RNF6: variants seen among roughly 807,000 people sequenced by gnomAD.
The protein encoded by RNF6 is ring finger protein 6.
In RNF6, 21 loss-of-function variants were observed where a neutral mutation model predicts 50.1. That is an observed-to-expected ratio of 0.42 (90% CI 0.30 to 0.60). The LOEUF (loss-of-function observed/expected upper bound fraction) is 0.60, where lower values mean the gene tolerates loss of function less well. Ranked by LOEUF, RNF6 falls within the 20% of genes least tolerant of loss-of-function variation. RNF6 has a pLI of 0.20. For synonymous variants in RNF6, 255 were observed against 291.8 expected (o/e 0.87, Z 1.29); for missense variants, 698 against 838.2 (o/e 0.83, Z 2.07).
At chr13:26,182,096 G>T (rs934905181) in intron 5 of RNF6, among the ~76,000 whole-genome samples, 1 of 152,100 alleles carries the variant, frequency 6.6e-6, no homozygotes, top group African/African-American at 2.4e-5. Context: ...TTGAAAACAC[G>T]TATCTCCAGA....
rs1872652561 is a variant in RNF6 at position 26,170,521 on chromosome 13, A to G, written n.769-38070T>C. Among the ~76,000 whole-genome samples the G allele has an allele frequency of 3.9e-5, 6 of 152,312 alleles. No homozygotes were observed. The South Asian group carries it at 1.2e-3, about 32-fold the overall frequency. Reference sequence around the variant, plus strand: ...GAAGATGGAGGAACAAAAGATGGGTAACAGTTAGCTAAGCAGCTGCTGCTG... The same window carrying G: ...GAAGATGGAGGAACAAAAGATGGGTGACAGTTAGCTAAGCAGCTGCTGCTG... On this transcript the variant is annotated intron_variant and non_coding_transcript_variant, in intron 5 of 5. Coordinates refer to the RNF6 transcript ENST00000468480.
intron 5 of RNF6, among the ~76,000 whole-genome samples, chr13:26,196,215 C>T (rs1213008147): frequency 6.6e-6 from 1 of 152,086 alleles, no homozygotes; most frequent in Non-Finnish European, 1.5e-5. Flanking sequence ...TTATCACAAA[C>T]ATACACTGCT....
chr13:26,215,102 G>C lies in RNF6; in HGVS notation c.780C>G (p.Asn260Lys). 3.1e-6 allele frequency: 5 copies of C among 1,614,204 alleles called. No homozygotes were observed. The highest frequency in any genetic ancestry group is 4.2e-6 in the Non-Finnish European group (5 of 1,180,046). Residue 260 changes from asparagine (N) to lysine (K), a missense_variant, in exon 5 of 5, where the codon AAC becomes AAG. Asn to Lys is a moderately conservative substitution (Grantham distance 94). Transcript: ENST00000381588. ...GCCTGAGTTCACTACCACCTGATTG[G>C]TTTGTGTGACTACTGAAATTAGTGC... ...ASRTNFSSHT[N>K]QSGGSELRQR...
chr13:26,157,618 A>G (rs1160445339), intron 5 of RNF6, among the ~76,000 whole-genome samples: 9 of 152,234 alleles, frequency 5.9e-5, no homozygotes, highest in Admixed American at 5.9e-4. Context: ...CAAACAAGTC[A>G]TCCTCAGTAA....
At chr13:26,175,623 G>A (rs1358725206) in intron 5 of RNF6, among the ~76,000 whole-genome samples, 2 of 152,132 alleles carry the variant, frequency 1.3e-5, no homozygotes, top group Non-Finnish European at 2.9e-5. Context: ...CAGAGGCACC[G>A]TGGTGCAGGC....
intron 5 of RNF6, among the ~76,000 whole-genome samples, chr13:26,193,698 A>G (rs2137690004): frequency 6.6e-6 from 1 of 152,084 alleles, no homozygotes; most frequent in East Asian, 1.9e-4. Flanking sequence ...ATACCCTTGC[A>G]TACTGAAGGA....
chr13:26,168,275 T>C (rs568884277), intron 5 of RNF6, among the ~76,000 whole-genome samples: 14 of 152,176 alleles, frequency 9.2e-5, no homozygotes, highest in Non-Finnish European at 1.8e-4. Flanking sequence ...TCTATCTCAG[T>C]GGACTGCTTG....
At chr13:26,206,370 T>C (rs1246326688) in intron 5 of RNF6, among the ~76,000 whole-genome samples, 1 of 152,196 alleles carries the variant, frequency 6.6e-6, no homozygotes. Flanking sequence ...GCAGACAGTG[T>C]CTGCAGCAGG....
rs1870594522 is a variant in RNF6 at position 26,222,245 on chromosome 13, C to T, written c.-344G>A. 1 of 152,346 alleles carries T rather than the reference C, an allele frequency of 6.6e-6. No individual in the cohort carries two copies. Among genetic ancestry groups the T allele is most frequent in the Non-Finnish European group, 1.5e-5 (1 of 68,130 alleles). The allele number at this position is 152,346 out of a possible 1,614,324, so 9.4% of individuals were successfully genotyped here. The stretch of plus-strand genomic sequence containing the variant: ...ACGGCAGGCCCCAGCCCTTCTTTCC[C>T]GACAGCCACGCCGCCCACTTGGCGG... On this transcript the variant is annotated 5_prime_UTR_variant, in exon 1 of 5. Coordinates refer to ENST00000381588, the MANE Select transcript of RNF6 (RefSeq NM_005977.4).
At chr13:26,185,893 C>A (rs1324944076) in intron 5 of RNF6, among the ~76,000 whole-genome samples, 2 of 152,198 alleles carry the variant, frequency 1.3e-5, no homozygotes, top group Non-Finnish European at 2.9e-5. Context: ...TCCTCCCTCA[C>A]ATTCAATATC....
chr13:26,218,675 G>C (rs1310268129), intron 3 of RNF6, 69 bp from the exon 4 acceptor site: 27 of 1,187,458 alleles, frequency 2.3e-5, no homozygotes, highest in Non-Finnish European at 3.0e-5. Context: ...TGAAGGGTAA[G>C]ACTAATCTTT....
At chr13:26,186,472 G>T (rs565645067) in intron 5 of RNF6, among the ~76,000 whole-genome samples, 1 of 152,224 alleles carries the variant, frequency 6.6e-6, no homozygotes, top group Non-Finnish European at 1.5e-5. Flanking sequence ...GCAGCCAGTC[G>T]CGCTACCGAC....
At chr13:26,186,056 A>G (rs1454344658) in intron 5 of RNF6, among the ~76,000 whole-genome samples, 2 of 152,328 alleles carry the variant, frequency 1.3e-5, no homozygotes, top group East Asian at 3.9e-4. Context: ...TGTATGTTTT[A>G]ACCCTAAAAT....
intron 5 of RNF6, among the ~76,000 whole-genome samples, chr13:26,138,806 A>G (rs1255996873): frequency 6.6e-6 from 1 of 152,236 alleles, no homozygotes; most frequent in Non-Finnish European, 1.5e-5. Flanking sequence ...TATTTAGCAT[A>G]AAAGAAGGCA....
chr13:26,178,242 A>AT (rs777610628), intron 5 of RNF6, among the ~76,000 whole-genome samples: 3 of 152,258 alleles, frequency 2.0e-5, no homozygotes, highest in East Asian at 1.9e-4. Flanking sequence ...TGCAACAGAA[A>AT]TTTGTTTCTC....
At chr13:26,210,676 T>C (rs1869286294), downstream of RNF6, among the ~76,000 whole-genome samples, 1 of 152,328 alleles carries the variant, frequency 6.6e-6, no homozygotes, top group African/African-American at 2.4e-5. Context: ...GAATGCAGCA[T>C]AGCAGGAAAA....
At chr13:26,172,242 C>T (rs575998340) in intron 5 of RNF6, among the ~76,000 whole-genome samples, 8 of 150,042 alleles carry the variant, frequency 5.3e-5, no homozygotes, top group East Asian at 4.0e-4. Context: ...TGGACCATTC[C>T]GTAACCGATG....
At chr13:26,202,126 T>C (rs187380933) in intron 5 of RNF6, among the ~76,000 whole-genome samples, 161 of 152,296 alleles carry the variant, frequency 1.1e-3, no homozygotes, top group African/African-American at 3.7e-3. Context: ...CCGAGGCCTG[T>C]TTCAGGTGCT....
At chr13:26,165,592 G>A (rs1005832410) in intron 5 of RNF6, among the ~76,000 whole-genome samples, 4 of 152,230 alleles carry the variant, frequency 2.6e-5, no homozygotes, top group South Asian at 2.1e-4. Context: ...AGCCACTGGA[G>A]CAGAGCTGCC....
Sources: gnomAD v4.1 joint callset for allele counts (sites outside exome capture counted in the v4.1 genomes callset) on GRCh38, gnomAD v4.1.1 for gene constraint, MANE v1.5 for transcripts, NCBI Gene and HGNC (gene_info 2026-07-23, HGNC 2026-07-21) for gene names.